SLAMF6: variants seen among roughly 807,000 people sequenced by gnomAD.
SLAMF6 encodes the protein NK-T-B-antigen.
Under a neutral mutation model 38.3 loss-of-function variants are expected in SLAMF6, and 21 were observed. The observed-to-expected ratio is 0.55, with a 90% CI of 0.39 to 0.79. The LOEUF (loss-of-function observed/expected upper bound fraction) is 0.79. Among genes scored for constraint, SLAMF6 ranks in the 30% least tolerant of loss-of-function variants. The pLI, the probability that SLAMF6 is intolerant of heterozygous loss-of-function variation, is 0.00. For missense variants in SLAMF6, 341 were observed against 385.3 expected (o/e 0.89, Z 0.96); for synonymous variants, 152 against 146.3 (o/e 1.04, Z -0.28).
At position 160,486,632 on chromosome 1, in the gene SLAMF6, C is replaced by T. The variant is rs943678700; in HGVS notation, c.*75G>A. ...GTTGCCAGGAACAACAGGAACCAAG[C>T]TTCCTGTTCTTTGTTCTGTCTCATG... On this transcript the variant is annotated 3_prime_UTR_variant, in exon 8 of 8. Transcript: ENST00000368057. 1.7e-5 allele frequency: 24 copies of T among 1,428,032 alleles called. No individual in the cohort carries two copies. The African/African-American group carries it at 3.0e-4, about 18-fold the overall frequency. 88.5% of individuals were successfully genotyped at this position (1,428,032 alleles called of 1,614,324 possible).
At chr1:160,496,522 T>A in intron 1 of SLAMF6, 129 bp from the exon 2 acceptor site, 1 of 835,822 alleles carries the variant, frequency 1.2e-6, no homozygotes, top group South Asian at 1.7e-5. Flanking sequence ...TATGACAGAG[T>A]AGGAAAGGGT....
intron 2 of SLAMF6, among the ~76,000 whole-genome samples, chr1:160,492,995 C>T (rs566681979): frequency 2.0e-5 from 3 of 152,330 alleles, no homozygotes; most frequent in Non-Finnish European, 4.4e-5. Flanking sequence ...CCCCCTTGAA[C>T]TCTACTCTCA....
intron 1 of SLAMF6, among the ~76,000 whole-genome samples, chr1:160,520,844 T>C (rs77276288): frequency 0.012 from 1,879 of 152,288 alleles, 14 homozygotes; most frequent in Middle Eastern, 0.031. Flanking sequence ...GCAACAGTGG[T>C]CTTCTTTCCC....
intron 1 of SLAMF6, among the ~76,000 whole-genome samples, chr1:160,501,045 C>T (rs1379768350): frequency 6.6e-6 from 1 of 152,172 alleles, no homozygotes; most frequent in African/African-American, 2.4e-5. Context: ...AGGAGTGCCC[C>T]AAAACAGAGC....
intron 2 of SLAMF6, among the ~76,000 whole-genome samples, chr1:160,493,267 C>T (rs889527375): frequency 6.6e-6 from 1 of 152,122 alleles, no homozygotes; most frequent in African/African-American, 2.4e-5. Context: ...ATGCGGATGG[C>T]GTGTCTTCCA....
chr1:160,488,629 C>T (rs562368901), intron 6 of SLAMF6, among the ~76,000 whole-genome samples: 4 of 152,170 alleles, frequency 2.6e-5, no homozygotes, highest in African/African-American at 9.6e-5. Flanking sequence ...CCCTTCCCCT[C>T]TTGAGAGACT....
At chr1:160,523,106 G>A in intron 1 of SLAMF6, 38 bp downstream of exon 1, 1 of 1,606,868 alleles carries the variant, frequency 6.2e-7, no homozygotes, top group South Asian at 1.1e-5. Context: ...AAACCAGGGA[G>A]TCACTCAGTG....
At chr1:160,507,447 C>T (rs948096214) in intron 1 of SLAMF6, among the ~76,000 whole-genome samples, 2 of 152,042 alleles carry the variant, frequency 1.3e-5, no homozygotes, top group Admixed American at 6.6e-5. Context: ...TAGTTGGAGA[C>T]ATCAATACCT....
chr1:160,489,043 G>A (rs1417848912), intron 6 of SLAMF6, 45 bp downstream of exon 6: 2 of 1,516,716 alleles, frequency 1.3e-6, no homozygotes, highest in South Asian at 1.1e-5. Flanking sequence ...GTGAACAATG[G>A]CTGTAAAACT....
intron 1 of SLAMF6, among the ~76,000 whole-genome samples, chr1:160,501,270 ATAGAGGAG>A (rs1338287332): frequency 2.0e-5 from 3 of 152,148 alleles, no homozygotes; most frequent in African/African-American, 7.2e-5. Context: ...CCATCATCTG[ATAGAGGAG>A]CCTGACAGGT....
At position 160,496,282 on chromosome 1, in the gene SLAMF6, G is replaced by A. The variant is rs765065856; in HGVS notation, c.161C>T (p.Thr54Ile). Residue 54 changes from threonine (T) to isoleucine (I), a missense_variant, in exon 2 of 8, where the codon ACT (threonine) becomes ATT (isoleucine). By Grantham distance (89) the Thr-to-Ile change is moderately conservative. Coordinates refer to ENST00000368057, the MANE Select transcript of SLAMF6 (RefSeq NM_001184714.2). ...AAGAGATGTTTCATTGAAAAGCCAA[G>A]TGATGAAGTTGACCTTCTCTCCTGC... ...FPAGEKVNFI[T>I]WLFNETSLAF... 3.7e-6 allele frequency: 6 copies of A among 1,614,018 alleles called. No individual in the cohort carries two copies. The highest frequency in any genetic ancestry group is 5.1e-6 in the Non-Finnish European group (6 of 1,179,916).
chr1:160,488,223 G>C (rs1571278327), intron 6 of SLAMF6, among the ~76,000 whole-genome samples: 1 of 151,154 alleles, frequency 6.6e-6, no homozygotes, highest in Non-Finnish European at 1.5e-5. Context: ...TTAGTTTTTT[G>C]ATTTGTCAGA....
Position 160,496,362 on chromosome 1 carries a change from T to A in SLAMF6, c.81A>T (p.Pro27=). The A allele has an allele frequency of 6.2e-7, 1 of 1,613,894 alleles. No homozygotes were observed. Among genetic ancestry groups the A allele is most frequent in the Non-Finnish European group, 8.5e-7 (1 of 1,179,864 alleles). ...GNVVSQSSLT[P]LMVNGILGES... ...CCCCCAGAATCCCGTTCACCATCAA[T>A]GGGGTTAAGCTGCTTTGTGAAACTA... The change falls in exon 2 of 8, where the codon CCA becomes CCT. Residue 27 remains proline, a synonymous_variant. Coordinates refer to ENST00000368057, the MANE Select transcript of SLAMF6 (RefSeq NM_001184714.2).
chr1:160,489,690 C>T (rs575647930), intron 5 of SLAMF6, among the ~76,000 whole-genome samples: 3 of 152,280 alleles, frequency 2.0e-5, no homozygotes, highest in South Asian at 2.1e-4. Context: ...AACCTTATGC[C>T]TTTTCCTCTG....
intron 1 of SLAMF6, among the ~76,000 whole-genome samples, chr1:160,513,126 A>G (rs1219451148): frequency 6.6e-6 from 1 of 152,252 alleles, no homozygotes; most frequent in Non-Finnish European, 1.5e-5. Context: ...ATAAAACATT[A>G]CAGGAGCTAT....
chr1:160,514,468 T>C (rs1654642990), intron 1 of SLAMF6, among the ~76,000 whole-genome samples: 1 of 152,158 alleles, frequency 6.6e-6, no homozygotes, highest in African/African-American at 2.4e-5. Flanking sequence ...TTAACAAAGA[T>C]ATTCAGGACT....
chr1:160,496,028 C>G, intron 2 of SLAMF6, 33 bp downstream of exon 2: 1 of 1,562,948 alleles, frequency 6.4e-7, no homozygotes, highest in Non-Finnish European at 8.8e-7. Context: ...ATTTTTCAGT[C>G]CATATGGAAT....
chr1:160,495,431 G>A (rs1159959089), intron 2 of SLAMF6, among the ~76,000 whole-genome samples: 3 of 152,088 alleles, frequency 2.0e-5, no homozygotes, highest in African/African-American at 7.2e-5. Flanking sequence ...TCTTGGGAAG[G>A]CAGATTGTTG....
At chr1:160,505,543 A>T (rs1654138319) in intron 1 of SLAMF6, among the ~76,000 whole-genome samples, 2 of 152,174 alleles carry the variant, frequency 1.3e-5, no homozygotes, top group African/African-American at 2.4e-5. Flanking sequence ...CTGGTTCTAC[A>T]GGCACATGCC....
Sources: gnomAD v4.1 joint callset for allele counts (sites outside exome capture counted in the v4.1 genomes callset) on GRCh38, gnomAD v4.1.1 for gene constraint, MANE v1.5 for transcripts, NCBI Gene and HGNC (gene_info 2026-07-23, HGNC 2026-07-21) for gene names.